Variants in SP3 observed in about 807,000 individuals in gnomAD.
SP3 encodes the protein Sp3 transcription factor, also known as transcription factor Sp3.
Under a neutral mutation model 70.3 loss-of-function variants are expected in SP3, and 10 were observed. The ratio of observed to expected loss-of-function variants is 0.14; its 90% CI spans 0.09 to 0.24. The LOEUF (loss-of-function observed/expected upper bound fraction) is 0.24. SP3 is among the 10% of genes least tolerant of loss of function. The probability of loss-of-function intolerance (pLI) is 1.00; values close to 1 mark genes in which losing one functional copy is unlikely to be tolerated. For synonymous variants in SP3, 402 were observed against 333.5 expected (o/e 1.21, Z -2.24); for missense variants, 825 against 914.6 (o/e 0.90, Z 1.26).
chr2:173,940,559 A>G (rs569571542), intron 4 of SP3, among the ~76,000 whole-genome samples: 1 of 152,352 alleles, frequency 6.6e-6, no homozygotes, highest in South Asian at 2.1e-4. Context: ...GGATGAACAG[A>G]TAACAAAAAT....
Position 173,964,558 on chromosome 2 carries a change from A to G in SP3, c.8-5T>C, listed in dbSNP as rs779668717. On this transcript the variant is annotated splice_polypyrimidine_tract_variant and splice_region_variant and intron_variant, in intron 1 of 6. Coordinates refer to ENST00000310015, the MANE Select transcript of SP3 (RefSeq NM_003111.5). The stretch of plus-strand genomic sequence containing the variant: ...GTTTCACGGGCTTTTCGGGAGCTGC[A>G]GGCACAGCGCGGGGGGGTGGGGGTG... 3 of 439,092 alleles carry G rather than the reference A, an allele frequency of 6.8e-6. No homozygotes were observed. Among genetic ancestry groups the G allele is most frequent in the South Asian group, 1.7e-5 (1 of 60,530 alleles). 27.2% of individuals were successfully genotyped at this position (439,092 alleles called of 1,614,324 possible). A position where few individuals can be genotyped will look rare whatever the true frequency, so the allele number is the denominator to read the frequency against.
intron 4 of SP3, among the ~76,000 whole-genome samples, chr2:173,938,719 G>A (rs1690278048): frequency 6.6e-6 from 1 of 152,152 alleles, no homozygotes; most frequent in Admixed American, 6.5e-5. Flanking sequence ...AAGAAGGGAA[G>A]GCTGCGGGAT....
rs1689393727 is a variant in SP3 at position 173,908,755 on chromosome 2, T to C, written c.*1186A>G. 2.0e-5 allele frequency: 3 copies of C among 152,214 alleles called. No individual in the cohort carries two copies. The South Asian group carries it at 6.2e-4, about 32-fold the overall frequency. 9.4% of individuals were successfully genotyped at this position (152,214 alleles called of 1,614,324 possible). ...TAACTTTATTTTGTACATTTTTGAATTGAAAATATAAACAATAATTAAAAA... is the reference window on the plus strand; with the variant it reads ...TAACTTTATTTTGTACATTTTTGAACTGAAAATATAAACAATAATTAAAAA... On this transcript the variant is annotated 3_prime_UTR_variant, in exon 7 of 7. Coordinates refer to ENST00000310015, the MANE Select transcript of SP3 (RefSeq NM_003111.5).
At chr2:173,914,114 TG>T (rs1341108469) in intron 5 of SP3, 2 of 152,144 alleles carry the variant, frequency 1.3e-5, no homozygotes, top group East Asian at 1.9e-4. Context: ...ATCCCAGAAT[TG>T]ATCATTTGAA....
At chr2:173,931,114 A>C (rs2105472195) in intron 4 of SP3, among the ~76,000 whole-genome samples, 1 of 152,334 alleles carries the variant, frequency 6.6e-6, no homozygotes, top group Non-Finnish European at 1.5e-5. Flanking sequence ...CAAAAAGTAC[A>C]TTAATTTAAA....
chr2:173,946,973 T>C (rs563062554), intron 4 of SP3, among the ~76,000 whole-genome samples: 3 of 152,176 alleles, frequency 2.0e-5, no homozygotes, highest in African/African-American at 4.8e-5. Flanking sequence ...TCCTCCTGCA[T>C]TGGCTTCCTA....
chr2:173,904,637 C>A lies in SP3; in HGVS notation c.*5304G>T, dbSNP rs1284054630. Reference sequence around the variant, plus strand: ...GTGACCTCCCAAGACATCAGTTTTCCAATTCCAAATTCTCAGGAGAAATCA... The same window carrying A: ...GTGACCTCCCAAGACATCAGTTTTCAAATTCCAAATTCTCAGGAGAAATCA... On this transcript the variant is annotated 3_prime_UTR_variant, in exon 7 of 7. Coordinates refer to ENST00000310015, the MANE Select transcript of SP3 (RefSeq NM_003111.5). Among the ~76,000 whole-genome samples the A allele has an allele frequency of 6.6e-6, 1 of 152,190 alleles. No individual in the cohort carries two copies. Among genetic ancestry groups the A allele is most frequent in the Non-Finnish European group, 1.5e-5 (1 of 68,044 alleles).
intron 4 of SP3, among the ~76,000 whole-genome samples, chr2:173,954,443 G>A (rs1412143457): frequency 6.6e-6 from 1 of 152,144 alleles, no homozygotes; most frequent in African/African-American, 2.4e-5. Context: ...CACCTAGCAA[G>A]TGGCTGAGGC....
chr2:173,964,678 C>T, intron 1 of SP3, 125 bp from the exon 2 acceptor site: 1 of 425,602 alleles, frequency 2.3e-6, no homozygotes, highest in Non-Finnish European at 4.1e-6. Flanking sequence ...CTCCCCCACC[C>T]GCCCCCCGGC....
Position 173,952,075 on chromosome 2 carries a change from T to C in SP3, c.1639+2798A>G, listed in dbSNP as rs76347358. ...GCAGCAGCAAATGCTTTCCAGTTTT[T>C]TTCCTTCACATGACAGGCTCACTTC... On this transcript the variant is annotated intron_variant, in intron 4 of 6. Transcript: ENST00000310015. Among the ~76,000 whole-genome samples, 59 of 152,040 alleles carry C rather than the reference T, an allele frequency of 3.9e-4. 1 individual carries two copies. The East Asian group carries it at 9.6e-3, about 25-fold the overall frequency.
Position 173,964,106 on chromosome 2 carries a change from A to G in SP3, c.157-223T>C, listed in dbSNP as rs917860028. ...CACCCCGGCTCCCCGGTCCGCGGGCAGGCGGGCGGCGGGCTGCGCGCCGGG... is the reference window on the plus strand; with the variant it reads ...CACCCCGGCTCCCCGGTCCGCGGGCGGGCGGGCGGCGGGCTGCGCGCCGGG... On this transcript the variant is annotated intron_variant, in intron 2 of 6. Transcript: ENST00000310015. The G allele has an allele frequency of 1.1e-3, 363 of 333,406 alleles. 3 individuals are homozygous for G. Among genetic ancestry groups the G allele is most frequent in the Non-Finnish European group, 6.5e-5 (12 of 185,620 alleles). 20.7% of individuals were successfully genotyped at this position (333,406 alleles called of 1,614,324 possible). A position where few individuals can be genotyped will look rare whatever the true frequency, so the allele number is the denominator to read the frequency against.
chr2:173,926,851 T>C (rs1689924761), intron 4 of SP3, among the ~76,000 whole-genome samples: 1 of 152,172 alleles, frequency 6.6e-6, no homozygotes, highest in Non-Finnish European at 1.5e-5. Context: ...GGTTATGCTT[T>C]TTAGATAGTA....
intron 4 of SP3, among the ~76,000 whole-genome samples, chr2:173,942,986 G>A (rs1690419303): frequency 6.6e-6 from 1 of 152,176 alleles, no homozygotes; most frequent in Non-Finnish European, 1.5e-5. Flanking sequence ...GAGGATGTGT[G>A]TAGGTTATAT....
intron 4 of SP3, among the ~76,000 whole-genome samples, chr2:173,930,498 C>T (rs1690038113): frequency 6.6e-6 from 1 of 152,198 alleles, no homozygotes; most frequent in African/African-American, 2.4e-5. Flanking sequence ...TTCATTCATA[C>T]TTGCAAACTA....
intron 4 of SP3, among the ~76,000 whole-genome samples, chr2:173,928,798 G>C (rs1689988600): frequency 6.6e-6 from 1 of 152,174 alleles, no homozygotes; most frequent in African/African-American, 2.4e-5. Flanking sequence ...CAAAGACCTG[G>C]ATCTTGGCAG....
rs137976271 is a variant in SP3, at chr2:173,955,451, T to C, written c.1061A>G (p.Asn354Ser). 2 of 1,614,144 alleles carry C rather than the reference T, an allele frequency of 1.2e-6. No individual in the cohort carries two copies. Among genetic ancestry groups the C allele is most frequent in the South Asian group, 2.2e-5 (2 of 91,078 alleles). ...DSTGILQQNT[N>S]SLTTSSGQVH... is the part of the protein sequence containing the mutation. ...CTGCCCACTAGATGTAGTCAAGCTA[T>C]TTGTGTTTTGTTGTAATATACCTGT... Residue 354 changes from asparagine to serine, a missense_variant, in exon 4 of 7, where the codon AAT becomes AGT. Physicochemically the swap from Asn to Ser is conservative, Grantham distance 46 (BLOSUM62 1). Transcript: ENST00000310015.
In SP3 at chr2:173,963,861, G is replaced by A. The variant is rs759682312; in HGVS notation, c.179C>T (p.Ala60Val). The change falls in exon 3 of 7, where the codon GCT becomes GTT. Residue 60 changes from alanine (A) to valine (V), a missense_variant. Coordinates refer to ENST00000310015, the MANE Select transcript of SP3 (RefSeq NM_003111.5). ...AAQDTQPSPL[A>V]LLAATCSKIG... Reference sequence around the variant, plus strand: ...CTTGCTGCAGGTAGCGGCCAGCAGAGCGAGCGGTGACGGCTGAGTGTCCTA... The same window carrying A: ...CTTGCTGCAGGTAGCGGCCAGCAGAACGAGCGGTGACGGCTGAGTGTCCTA... 2.0e-6 allele frequency: 3 copies of A among 1,510,246 alleles called. No individual in the cohort carries two copies. The highest frequency in any genetic ancestry group is 2.7e-6 in the Non-Finnish European group (3 of 1,127,114). The allele number at this position is 1,510,246 out of a possible 1,614,324, so 93.6% of individuals were successfully genotyped here.
In SP3 at chr2:173,905,261, G is replaced by A. The variant is rs1689280957; in HGVS notation, c.*4680C>T. On this transcript the variant is annotated 3_prime_UTR_variant, in exon 7 of 7. Coordinates refer to ENST00000310015, the MANE Select transcript of SP3 (RefSeq NM_003111.5). The stretch of plus-strand genomic sequence containing the variant: ...AGAAAAATGGAATCTCCAGAGTTAA[G>A]GGGGGAGGAAGGCATTGGAAGGAGG... Among the ~76,000 whole-genome samples the A allele has an allele frequency of 6.6e-6, 1 of 152,190 alleles. No individual in the cohort carries two copies. Among genetic ancestry groups the A allele is most frequent in the Non-Finnish European group, 1.5e-5 (1 of 68,038 alleles).
upstream of SP3, chr2:173,965,407 T>G (rs1239154008): frequency 9.0e-6 from 5 of 557,486 alleles, no homozygotes; most frequent in East Asian, 9.6e-5. Flanking sequence ...TCTTCTTGGC[T>G]CTCATTCGCC....
Sources: gnomAD v4.1 joint callset for allele counts (sites outside exome capture counted in the v4.1 genomes callset) on GRCh38, gnomAD v4.1.1 for gene constraint, MANE v1.5 for transcripts, NCBI Gene and HGNC (gene_info 2026-07-23, HGNC 2026-07-21) for gene names.